Variants in HS6ST3 observed in about 807,000 individuals in gnomAD.
HS6ST3 encodes the protein heparan-sulfate 6-O-sulfotransferase 3.
In HS6ST3, 12 loss-of-function variants were observed where a neutral mutation model predicts 36.7. The observed-to-expected ratio is 0.33, with a 90% CI of 0.21 to 0.53. The LOEUF is 0.53. Among genes scored for constraint, HS6ST3 ranks in the 20% least tolerant of loss-of-function variants. The probability of loss-of-function intolerance (pLI) is 0.95; values close to 1 mark genes in which losing one functional copy is unlikely to be tolerated. For synonymous variants in HS6ST3, 240 were observed against 257.5 expected (o/e 0.93, Z 0.65); for missense variants, 584 against 640.9 (o/e 0.91, Z 0.96).
At position 96,317,326 on chromosome 13, in the gene HS6ST3, T is replaced by TTATA. The variant is rs537839404; in HGVS notation, c.707+225796_707+225799dup. On this transcript the variant is annotated intron_variant, in intron 1 of 1. Transcript: ENST00000376705. ...CTTTTTATGGCTGTGTAGTATTCCA[T>TTATA]TATATATATATATATATATATATAT... 2.8e-3 allele frequency among the ~76,000 whole-genome samples: 271 copies of TTATA among 96,538 alleles called. 1 individual carries two copies. Among genetic ancestry groups the TTATA allele is most frequent in the Non-Finnish European group, 4.2e-3 (202 of 48,026 alleles). 63.3% of individuals were successfully genotyped at this position (96,538 alleles called of 152,430 possible). A position where few individuals can be genotyped will look rare whatever the true frequency, so the allele number is the denominator to read the frequency against.
At chr13:96,257,827 A>C (rs376518680) in intron 1 of HS6ST3, among the ~76,000 whole-genome samples, 2 of 152,254 alleles carry the variant, frequency 1.3e-5, no homozygotes, top group Non-Finnish European at 2.9e-5. Context: ...GAAGAAGAAC[A>C]GTAGGAAATA....
chr13:96,248,204 A>G (rs1325492826), intron 1 of HS6ST3, among the ~76,000 whole-genome samples: 1 of 152,190 alleles, frequency 6.6e-6, no homozygotes, highest in Non-Finnish European at 1.5e-5. Context: ...GCCTGTACCA[A>G]CAAAAACCTT....
chr13:96,527,528 A>G (rs942513734), intron 1 of HS6ST3, among the ~76,000 whole-genome samples: 2 of 152,214 alleles, frequency 1.3e-5, no homozygotes, highest in Non-Finnish European at 2.9e-5. Context: ...GTATGGAGGA[A>G]GTAGAGCAGA....
intron 1 of HS6ST3, among the ~76,000 whole-genome samples, chr13:96,700,483 G>A (rs573294542): frequency 8.5e-5 from 13 of 152,208 alleles, no homozygotes; most frequent in Non-Finnish European, 1.5e-4. Context: ...CAGGACCTGA[G>A]CATTTCTTTC....
At chr13:96,202,034 T>C (rs1490069368) in intron 1 of HS6ST3, among the ~76,000 whole-genome samples, 1 of 152,202 alleles carries the variant, frequency 6.6e-6, no homozygotes, top group Non-Finnish European at 1.5e-5. Context: ...ATCCAAACCA[T>C]CTTAATATAG....
In HS6ST3 at chr13:96,566,053, A is replaced by G. The variant is rs1056134616; in HGVS notation, c.708-266437A>G. Among the ~76,000 whole-genome samples, 104 of 152,236 alleles carry G rather than the reference A, an allele frequency of 6.8e-4. 2 individuals carry two copies. The highest frequency in any genetic ancestry group is 3.2e-4 in the Non-Finnish European group (22 of 67,980). ...CTGTGAAGTAAGAACTGGATGCTGT[A>G]AAAAAGAACAGTCAAGGAAAAAGAA... On this transcript the variant is annotated intron_variant, in intron 1 of 1. Coordinates refer to ENST00000376705, the MANE Select transcript of HS6ST3 (RefSeq NM_153456.4).
intron 1 of HS6ST3, among the ~76,000 whole-genome samples, chr13:96,362,420 T>C (rs1316560071): frequency 4.6e-5 from 7 of 152,202 alleles, no homozygotes; most frequent in African/African-American, 1.7e-4. Flanking sequence ...GCCAAACTAC[T>C]ATAACAAATC....
chr13:96,726,266 T>A (rs1258275014), intron 1 of HS6ST3, among the ~76,000 whole-genome samples: 1 of 152,228 alleles, frequency 6.6e-6, no homozygotes, highest in Non-Finnish European at 1.5e-5. Flanking sequence ...TCTACAGAAG[T>A]TCCTGCTGGG....
chr13:96,270,383 A>G (rs2054714073), intron 1 of HS6ST3, among the ~76,000 whole-genome samples: 1 of 152,020 alleles, frequency 6.6e-6, no homozygotes, highest in African/African-American at 2.4e-5. Flanking sequence ...TAGACCTATT[A>G]TTCTTTAAAA....
intron 1 of HS6ST3, among the ~76,000 whole-genome samples, chr13:96,115,943 A>G (rs2053892008): frequency 6.6e-6 from 1 of 152,136 alleles, no homozygotes; most frequent in Non-Finnish European, 1.5e-5. Flanking sequence ...CCATTCTCTG[A>G]CTGGCATGAG....
Position 96,746,020 on chromosome 13 carries a change from C to T in HS6ST3, c.708-86470C>T, listed in dbSNP as rs1323221911. Among the ~76,000 whole-genome samples the T allele has an allele frequency of 2.0e-5, 3 of 151,878 alleles. No individual in the cohort carries two copies. The East Asian group carries it at 5.8e-4, about 29-fold the overall frequency. ...TGTCTAGTTTTAAAAAAAAGGATAC[C>T]CCAGAAATATCAGGACTACACCCAA... On this transcript the variant is annotated intron_variant, in intron 1 of 1. Transcript: ENST00000376705.
intron 1 of HS6ST3, among the ~76,000 whole-genome samples, chr13:96,518,062 C>A (rs2056079600): frequency 6.6e-6 from 1 of 152,134 alleles, no homozygotes; most frequent in South Asian, 2.1e-4. Flanking sequence ...TTTGCAGGAA[C>A]ATGATGGAGC....
At position 96,829,869 on chromosome 13, in the gene HS6ST3, A is replaced by C. The variant is rs186332999; in HGVS notation, c.708-2621A>C. On this transcript the variant is annotated intron_variant, in intron 1 of 1. Transcript: ENST00000376705. ...TCATTTGGCTTTATAACCGATAATG[A>C]GATTGATGGATCAAATGATAGTTCT... Among the ~76,000 whole-genome samples the C allele has an allele frequency of 1.1e-4, 17 of 152,282 alleles. No individual in the cohort carries two copies. In the East Asian group the frequency reaches 2.9e-3, roughly 26 times the overall value.
chr13:96,432,627 A>G (rs2139475461), intron 1 of HS6ST3, among the ~76,000 whole-genome samples: 1 of 152,342 alleles, frequency 6.6e-6, no homozygotes, highest in Non-Finnish European at 1.5e-5. Flanking sequence ...AGAAAATAAA[A>G]GTTTCACAGG....
At chr13:96,662,215 C>G (rs989247102) in intron 1 of HS6ST3, among the ~76,000 whole-genome samples, 36 of 152,142 alleles carry the variant, frequency 2.4e-4, no homozygotes, top group African/African-American at 8.7e-4. Context: ...TTTTCTTCTT[C>G]TGTCTCAGGA....
intron 1 of HS6ST3, among the ~76,000 whole-genome samples, chr13:96,234,549 G>A (rs943856666): frequency 3.3e-5 from 5 of 152,112 alleles, no homozygotes; most frequent in South Asian, 4.1e-4. Context: ...ATGGTGGAAG[G>A]CAAAGGAGGA....
chr13:96,263,038 AG>A (rs1215175146), intron 1 of HS6ST3, among the ~76,000 whole-genome samples: 1 of 152,228 alleles, frequency 6.6e-6, no homozygotes, highest in African/African-American at 2.4e-5. Context: ...TTGTTTTTAA[AG>A]TTTTACAAAA....
chr13:96,105,908 A>T (rs149674561), intron 1 of HS6ST3, among the ~76,000 whole-genome samples: 13 of 152,322 alleles, frequency 8.5e-5, no homozygotes, highest in African/African-American at 3.1e-4. Context: ...TTTACATCAC[A>T]ACATTTTAGT....
At chr13:96,395,823 G>A (rs1055463817) in intron 1 of HS6ST3, among the ~76,000 whole-genome samples, 1 of 152,082 alleles carries the variant, frequency 6.6e-6, no homozygotes, top group Admixed American at 6.6e-5. Flanking sequence ...TTTAGTAAAG[G>A]AGTGGTATAG....
Sources: allele counts gnomAD v4.1 joint callset (sites outside exome capture counted in the v4.1 genomes callset), GRCh38; gene constraint gnomAD v4.1.1; transcripts MANE v1.5; gene names NCBI Gene and HGNC (gene_info 2026-07-23, HGNC 2026-07-21).